PTPRK: variants seen among roughly 807,000 people sequenced by gnomAD.
The protein encoded by PTPRK is protein tyrosine phosphatase receptor type K, also known as receptor-type tyrosine-protein phosphatase kappa.
PTPRK carries 75 observed loss-of-function variants against 178.0 expected under a neutral mutation model. That is an observed-to-expected ratio of 0.42 (90% CI 0.35 to 0.51). PTPRK has a LOEUF of 0.51. Ranked by LOEUF, PTPRK falls within the 20% of genes least tolerant of loss-of-function variation. The pLI, the probability that PTPRK is intolerant of heterozygous loss-of-function variation, is 0.02. For missense variants in PTPRK, 1,441 were observed against 1,797.8 expected (o/e 0.80, Z 3.59); for synonymous variants, 637 against 620.6 (o/e 1.03, Z -0.39).
At chr6:128,250,748 G>T (rs1359065404) in intron 3 of PTPRK, among the ~76,000 whole-genome samples, 1 of 152,166 alleles carries the variant, frequency 6.6e-6, no homozygotes, top group Admixed American at 6.5e-5. Context: ...AGTAAGTCCA[G>T]TATCTACATG....
intron 2 of PTPRK, among the ~76,000 whole-genome samples, chr6:128,381,196 A>G (rs1837862330): frequency 6.6e-6 from 1 of 152,188 alleles, no homozygotes; most frequent in African/African-American, 2.4e-5. Context: ...TCATTAGAAA[A>G]TTTTTTAATT....
At chr6:128,044,612 T>C (rs1777739452) in intron 13 of PTPRK, among the ~76,000 whole-genome samples, 1 of 150,172 alleles carries the variant, frequency 6.7e-6, no homozygotes, top group South Asian at 2.1e-4. Flanking sequence ...TTCCTTCTCC[T>C]TGGTAAGCTC....
intron 2 of PTPRK, among the ~76,000 whole-genome samples, chr6:128,377,406 T>C (rs964614283): frequency 6.6e-6 from 1 of 151,984 alleles, no homozygotes; most frequent in Non-Finnish European, 1.5e-5. Flanking sequence ...GAGAATAGCA[T>C]GGGAAAGACC....
rs117079304 is a variant in PTPRK at position 128,476,482 on chromosome 6, T to C, written c.100+43777A>G. Among the ~76,000 whole-genome samples, 597 of 152,160 alleles carry C rather than the reference T, an allele frequency of 3.9e-3. 1 individual carries two copies. Among genetic ancestry groups the C allele is most frequent in the Non-Finnish European group, 3.7e-3 (251 of 67,974 alleles). ...TGTTGTGTGCTAGAAACCATCCTTG[T>C]TGTCTGAGGTCAACCAATCCAAAAA... On this transcript the variant is annotated intron_variant, in intron 1 of 29. Coordinates refer to ENST00000368226, the MANE Select transcript of PTPRK (RefSeq NM_002844.4).
chr6:128,327,609 A>G (rs1286181202), intron 2 of PTPRK, among the ~76,000 whole-genome samples: 3 of 152,120 alleles, frequency 2.0e-5, no homozygotes, highest in African/African-American at 7.2e-5. Flanking sequence ...TTTTGTGCCA[A>G]TTTTAAATGA....
intron 3 of PTPRK, among the ~76,000 whole-genome samples, chr6:128,274,549 T>C (rs1030802443): frequency 2.6e-5 from 4 of 152,110 alleles, no homozygotes; most frequent in Admixed American, 1.3e-4. Flanking sequence ...TTTAAAATTA[T>C]ATCACAGCTC....
intron 28 of PTPRK, 58 bp from the exon 29 acceptor site, chr6:127,973,215 C>T: frequency 1.9e-6 from 3 of 1,603,432 alleles, no homozygotes; most frequent in Non-Finnish European, 2.6e-6. Flanking sequence ...CCACAGGTCA[C>T]ACCATCATAT....
intron 1 of PTPRK, among the ~76,000 whole-genome samples, chr6:128,489,043 T>C (rs906144583): frequency 3.3e-5 from 5 of 152,144 alleles, no homozygotes. Flanking sequence ...TTCTTTATTT[T>C]TACCATGAAT....
chr6:128,284,448 T>C (rs1231947207), intron 3 of PTPRK, among the ~76,000 whole-genome samples: 1 of 152,218 alleles, frequency 6.6e-6, no homozygotes, highest in Non-Finnish European at 1.5e-5. Context: ...CATGTGTGTT[T>C]GTTCTGAGAG....
At chr6:128,121,929 C>G (rs1792533070) in intron 7 of PTPRK, among the ~76,000 whole-genome samples, 1 of 152,060 alleles carries the variant, frequency 6.6e-6, no homozygotes, top group Admixed American at 6.6e-5. Context: ...TGATTTGTGA[C>G]CATCGTTAAC....
chr6:128,373,213 T>C (rs1449308030), intron 2 of PTPRK, among the ~76,000 whole-genome samples: 1 of 152,214 alleles, frequency 6.6e-6, no homozygotes, highest in African/African-American at 2.4e-5. Flanking sequence ...CAAGGCTTAG[T>C]CCTTGGACTT....
intron 3 of PTPRK, among the ~76,000 whole-genome samples, chr6:128,271,557 A>T (rs957282213): frequency 1.3e-5 from 2 of 152,138 alleles, no homozygotes; most frequent in African/African-American, 2.4e-5. Flanking sequence ...GCAGCTATTA[A>T]GTACTCAAAA....
chr6:128,363,992 T>C (rs927528213), intron 2 of PTPRK, among the ~76,000 whole-genome samples: 2 of 152,114 alleles, frequency 1.3e-5, no homozygotes, highest in African/African-American at 2.4e-5. Flanking sequence ...AATAGATATT[T>C]AACTGTCTCA....
intron 2 of PTPRK, among the ~76,000 whole-genome samples, chr6:128,386,172 ACTTTT>A (rs1289411275): frequency 2.6e-5 from 4 of 152,036 alleles, no homozygotes; most frequent in Non-Finnish European, 4.4e-5. Flanking sequence ...TTTTTTTTCT[ACTTTT>A]CTTTACTTTC....
At chr6:128,356,697 A>G (rs1367029400) in intron 2 of PTPRK, among the ~76,000 whole-genome samples, 2 of 152,150 alleles carry the variant, frequency 1.3e-5, no homozygotes, top group Non-Finnish European at 2.9e-5. Flanking sequence ...TTTCATGGAT[A>G]ATTTTTCACA....
In PTPRK at chr6:128,229,509, G is replaced by A. The variant is rs151033083; in HGVS notation, c.694-10413C>T. 8.0e-4 allele frequency among the ~76,000 whole-genome samples: 121 copies of A among 152,162 alleles called. 1 individual carries two copies. Among genetic ancestry groups the A allele is most frequent in the African/African-American group, 2.6e-3 (107 of 41,512 alleles). ...ATGAGTATCTCTCAGAACCTGCATC[G>A]TTATCTTGAAATATGATTTCTTACT... On this transcript the variant is annotated intron_variant, in intron 5 of 29. Coordinates refer to ENST00000368226, the MANE Select transcript of PTPRK (RefSeq NM_002844.4).
intron 1 of PTPRK, among the ~76,000 whole-genome samples, chr6:128,427,888 C>T (rs371092477): frequency 6.6e-6 from 1 of 152,004 alleles, no homozygotes; most frequent in Admixed American, 6.5e-5. Flanking sequence ...GTCAGGAGAT[C>T]GAGAGCATCC....
intron 2 of PTPRK, among the ~76,000 whole-genome samples, chr6:128,342,311 C>CA (rs1018891604): frequency 6.6e-6 from 1 of 151,878 alleles, no homozygotes; most frequent in African/African-American, 2.4e-5. Context: ...AGCACACACA[C>CA]AAAAAAATTT....
chr6:128,130,908 C>A (rs1249255818), intron 7 of PTPRK, among the ~76,000 whole-genome samples: 1 of 152,200 alleles, frequency 6.6e-6, no homozygotes. Context: ...TCTGGGCTAG[C>A]TCCTCCACTC....
Sources: gnomAD v4.1 joint callset for allele counts (sites outside exome capture counted in the v4.1 genomes callset) on GRCh38, gnomAD v4.1.1 for gene constraint, MANE v1.5 for transcripts, NCBI Gene and HGNC (gene_info 2026-07-23, HGNC 2026-07-21) for gene names.